Variants in ROR2 observed in about 807,000 individuals in gnomAD.
ROR2 encodes tyrosine-protein kinase transmembrane receptor ROR2.
In ROR2, 33 loss-of-function variants were observed where a neutral mutation model predicts 74.9. That is an observed-to-expected ratio of 0.44 (90% CI 0.33 to 0.59). The LOEUF (loss-of-function observed/expected upper bound fraction) is 0.59. Ranked by LOEUF, ROR2 falls within the 20% of genes least tolerant of loss-of-function variation. The pLI is 0.02. For synonymous variants in ROR2, 586 were observed against 558.7 expected (o/e 1.05, Z -0.69); for missense variants, 1,216 against 1,313.8 (o/e 0.93, Z 1.15).
chr9:91,755,582 G>A (rs1036223058), intron 4 of ROR2, among the ~76,000 whole-genome samples: 15 of 152,374 alleles, frequency 9.8e-5, no homozygotes, highest in East Asian at 3.9e-4. Flanking sequence ...TCAGCAGCTC[G>A]TGAAGGAGTG....
At chr9:91,941,140 G>A (rs1282876446) in intron 1 of ROR2, among the ~76,000 whole-genome samples, 2 of 151,814 alleles carry the variant, frequency 1.3e-5, no homozygotes, top group African/African-American at 4.8e-5. Flanking sequence ...TGGGACTACA[G>A]GCGCCCACCA....
chr9:91,898,062 C>T (rs763512821), intron 1 of ROR2, among the ~76,000 whole-genome samples: 27 of 152,148 alleles, frequency 1.8e-4, no homozygotes, highest in Admixed American at 5.2e-4. Flanking sequence ...TCGGGCCACA[C>T]CCCTGGGCCT....
intron 1 of ROR2, among the ~76,000 whole-genome samples, chr9:91,936,356 C>A (rs1831690561): frequency 6.6e-6 from 1 of 152,184 alleles, no homozygotes; most frequent in African/African-American, 2.4e-5. Flanking sequence ...CTCGGCTGTC[C>A]ATAAGCCGAG....
intron 1 of ROR2, among the ~76,000 whole-genome samples, chr9:91,922,136 A>C (rs2117865691): frequency 6.6e-6 from 1 of 152,128 alleles, no homozygotes; most frequent in East Asian, 1.9e-4. Flanking sequence ...AACAACAACA[A>C]CAAAAACAGA....
intron 7 of ROR2, among the ~76,000 whole-genome samples, chr9:91,730,005 G>A (rs369227111): frequency 1.3e-5 from 2 of 152,300 alleles, no homozygotes; most frequent in African/African-American, 4.8e-5. Context: ...TGCCTAGACT[G>A]GAGCGTAGTG....
At chr9:91,777,375 TAAC>T (rs1165752853) in intron 1 of ROR2, among the ~76,000 whole-genome samples, 1 of 147,014 alleles carries the variant, frequency 6.8e-6, no homozygotes. Flanking sequence ...ATGGAAATAA[TAAC>T]AACAAAACTG....
At chr9:91,805,734 C>T (rs1827526167) in intron 1 of ROR2, among the ~76,000 whole-genome samples, 1 of 152,152 alleles carries the variant, frequency 6.6e-6, no homozygotes. Flanking sequence ...CATATGCACA[C>T]CTTTCAACCC....
In ROR2 at chr9:91,724,732, C is replaced by T. The variant is rs1420814497; in HGVS notation, c.1762G>A (p.Glu588Lys). The stretch of plus-strand genomic sequence containing the variant: ...ACAAGGTGCACGAAGTCGGGGGGCT[C>T]CAGGGCGGACTTCACCGTGCGGTCA... ...DDDRTVKSALEPPDFVHLVAQ... is the reference protein window; with the variant it reads ...DDDRTVKSALKPPDFVHLVAQ... The change falls in exon 9 of 9, where the codon GAG becomes AAG. Residue 588 changes from glutamate (E) to lysine (K), a missense_variant. Physicochemically the swap from Glu to Lys is moderately conservative, Grantham distance 56. Coordinates refer to ENST00000375708, the MANE Select transcript of ROR2 (RefSeq NM_004560.4). 2 of 1,614,132 alleles carry T rather than the reference C, an allele frequency of 1.2e-6. No individual in the cohort carries two copies. The highest frequency in any genetic ancestry group is 1.7e-6 in the Non-Finnish European group (2 of 1,180,036).
intron 1 of ROR2, among the ~76,000 whole-genome samples, chr9:91,786,788 C>A (rs1826818836): frequency 6.6e-6 from 1 of 152,174 alleles, no homozygotes; most frequent in Non-Finnish European, 1.5e-5. Context: ...ATGAAAACAA[C>A]AGCAAACTGC....
intron 1 of ROR2, among the ~76,000 whole-genome samples, chr9:91,837,730 A>C (rs1307915843): frequency 6.6e-6 from 1 of 152,204 alleles, no homozygotes; most frequent in Non-Finnish European, 1.5e-5. Context: ...GTGCATAAGA[A>C]AATTTCTTAA....
intron 1 of ROR2, among the ~76,000 whole-genome samples, chr9:91,907,495 T>C (rs1253910782): frequency 6.6e-6 from 1 of 152,196 alleles, no homozygotes; most frequent in Admixed American, 6.5e-5. Flanking sequence ...GTTTCTTTCG[T>C]TATCACTGAA....
intron 1 of ROR2, among the ~76,000 whole-genome samples, chr9:91,913,907 A>G (rs1434431418): frequency 6.6e-6 from 1 of 152,150 alleles, no homozygotes; most frequent in Non-Finnish European, 1.5e-5. Context: ...GCTGTCCAAC[A>G]CTGTACTTAA....
chr9:91,723,883 T>C lies in ROR2; in HGVS notation c.2611A>G (p.Thr871Ala), dbSNP rs1836889631. The C allele has an allele frequency of 6.2e-7, 1 of 1,614,082 alleles. No homozygotes were observed. Among genetic ancestry groups the C allele is most frequent in the East Asian group, 2.2e-5 (1 of 44,876 alleles). Reference protein sequence around the residue: ...SHHSGSGSTSTGYVTTAPSNT... With the variant: ...SHHSGSGSTSAGYVTTAPSNT... ...GAGGGGGCCGTGGTGACGTAGCCTG[T>C]GCTGGTGGAGCCACTGCCACTGTGG... The change falls in exon 9 of 9, where the codon ACA (threonine) becomes GCA (alanine). Residue 871 changes from threonine (T) to alanine (A), a missense_variant. Thr to Ala is a moderately conservative substitution (Grantham distance 58, BLOSUM62 0). Transcript: ENST00000375708.
rs2118125388 is a variant in ROR2 at position 91,949,869 on chromosome 9, G to T, written c.95C>A (p.Ser32Ter). 6.5e-7 allele frequency: 1 copy of T among 1,535,540 alleles called. No individual in the cohort carries two copies. Among genetic ancestry groups the T allele is most frequent in the Non-Finnish European group, 8.8e-7 (1 of 1,135,664 alleles). Residue 32 changes from serine to a stop codon, truncating the protein, a stop_gained and splice_region_variant, in exon 1 of 9, where the codon TCA (serine) becomes TAA (stop). Transcript: ENST00000375708. LOFTEE classifies it high-confidence loss of function. ...AALLLSVSRTSGEVEVLDPND... is the reference protein window; with the variant it reads ...AALLLSVSRT ...CAAGCCGGAACGCCAGATCCTACCT[G>T]AAGTCCGGGACACTGAGAGCAGAAG...
intron 1 of ROR2, among the ~76,000 whole-genome samples, chr9:91,784,779 C>T (rs1826738795): frequency 6.6e-6 from 1 of 152,222 alleles, no homozygotes; most frequent in East Asian, 1.9e-4. Context: ...TACTTCCCTC[C>T]ACATGTACAC....
chr9:91,865,276 G>A (rs566926425), intron 1 of ROR2, among the ~76,000 whole-genome samples: 6 of 152,122 alleles, frequency 3.9e-5, no homozygotes, highest in Non-Finnish European at 7.3e-5. Flanking sequence ...CTCTTCACTC[G>A]GTTACAGTGA....
chr9:91,793,174 G>A (rs1827057881), intron 1 of ROR2, among the ~76,000 whole-genome samples: 1 of 152,114 alleles, frequency 6.6e-6, no homozygotes, highest in South Asian at 2.1e-4. Context: ...AATGCAAACA[G>A]ACAAGCACAT....
chr9:91,737,369 G>T (rs1434071866), intron 5 of ROR2, 22 bp downstream of exon 5: 4 of 1,614,012 alleles, frequency 2.5e-6, no homozygotes, highest in Non-Finnish European at 2.5e-6. Flanking sequence ...ATCATCCTGG[G>T]AGAAAGGTCT....
chr9:91,747,461 T>A (rs72744473), intron 4 of ROR2, among the ~76,000 whole-genome samples: 11,005 of 152,270 alleles, frequency 0.072, 489 homozygotes, highest in African/African-American at 0.12. Flanking sequence ...TAAGAATCCA[T>A]GGTACCATGT....
Sources: gnomAD v4.1 joint callset for allele counts (sites outside exome capture counted in the v4.1 genomes callset) on GRCh38, gnomAD v4.1.1 for gene constraint, MANE v1.5 for transcripts, NCBI Gene and HGNC (gene_info 2026-07-23, HGNC 2026-07-21) for gene names.